The following PAN3 variants were observed in gnomAD, a reference collection of about 807,000 sequenced individuals.
PAN3 encodes the protein PAN2-PAN3 deadenylation complex subunit PAN3.
In PAN3, 19 loss-of-function variants were observed where a neutral mutation model predicts 96.2. The observed-to-expected ratio is 0.20, with a 90% CI of 0.14 to 0.29. PAN3 has a LOEUF of 0.29. PAN3 is among the 10% of genes least tolerant of loss of function. PAN3 has a pLI of 1.00. For synonymous variants in PAN3, 433 were observed against 406.6 expected (o/e 1.06, Z -0.78); for missense variants, 882 against 1,108.1 (o/e 0.80, Z 2.90).
chr13:28,270,519 C>T (rs372948017), intron 12 of PAN3, among the ~76,000 whole-genome samples, 182 bp from the exon 13 acceptor site: 4 of 152,278 alleles, frequency 2.6e-5, no homozygotes, highest in East Asian at 3.9e-4. Flanking sequence ...GGCATAATCT[C>T]GGACAGGAAT....
intron 1 of PAN3, among the ~76,000 whole-genome samples, chr13:28,172,270 A>G (rs1308791028): frequency 6.6e-6 from 1 of 152,032 alleles, no homozygotes; most frequent in Non-Finnish European, 1.5e-5. Flanking sequence ...CCTGGCTAAC[A>G]ATGGTGAAAC....
At chr13:28,249,266 A>T (rs1357101660) in intron 6 of PAN3, among the ~76,000 whole-genome samples, 1 of 152,024 alleles carries the variant, frequency 6.6e-6, no homozygotes. Flanking sequence ...TCTTTGTTGT[A>T]TTTTGTGCAT....
At chr13:28,142,530 T>TTTTTTTTTTTTTTTA (rs1869997874) in intron 1 of PAN3, among the ~76,000 whole-genome samples, 1 of 145,546 alleles carries the variant, frequency 6.9e-6, no homozygotes, top group African/African-American at 2.6e-5. Flanking sequence ...TTTTTTTTTT[T>TTTTTTTTTTTTTTTA]GAGACAGGGA....
intron 9 of PAN3, 106 bp from the exon 10 acceptor site, chr13:28,266,609 A>G: frequency 2.4e-6 from 2 of 835,230 alleles, no homozygotes; most frequent in Non-Finnish European, 3.5e-6. Flanking sequence ...ACAAGAGCAC[A>G]TTGTGATACA....
intron 6 of PAN3, among the ~76,000 whole-genome samples, chr13:28,233,440 TA>T (rs1882790268): frequency 6.6e-6 from 1 of 152,034 alleles, no homozygotes; most frequent in Non-Finnish European, 1.5e-5. Flanking sequence ...CTAACTTTTG[TA>T]TTTTTAGTAG....
At chr13:28,141,556 C>T (rs1869843487) in intron 1 of PAN3, among the ~76,000 whole-genome samples, 1 of 149,058 alleles carries the variant, frequency 6.7e-6, no homozygotes, top group African/African-American at 2.5e-5. Flanking sequence ...CAACCTCTGC[C>T]TCCCGGGTTC....
intron 5 of PAN3, among the ~76,000 whole-genome samples, chr13:28,204,417 A>G (rs944187922): frequency 6.6e-6 from 1 of 152,214 alleles, no homozygotes; most frequent in African/African-American, 2.4e-5. Context: ...TGAGGATTCA[A>G]ATTTCCAAGC....
chr13:28,185,307 A>G (rs1300703189), intron 4 of PAN3, among the ~76,000 whole-genome samples: 1 of 152,180 alleles, frequency 6.6e-6, no homozygotes, highest in Non-Finnish European at 1.5e-5. Context: ...GGTAGTTCTT[A>G]TAGAGAAAGA....
intron 5 of PAN3, among the ~76,000 whole-genome samples, chr13:28,217,370 C>T (rs1422779447): frequency 6.6e-6 from 1 of 151,846 alleles, no homozygotes; most frequent in Non-Finnish European, 1.5e-5. Flanking sequence ...TCACTTGAGG[C>T]CAGGAGTTTG....
intron 4 of PAN3, among the ~76,000 whole-genome samples, chr13:28,184,165 T>C (rs1009651496): frequency 2.0e-5 from 3 of 152,166 alleles, no homozygotes; most frequent in African/African-American, 4.8e-5. Flanking sequence ...TGAAAATCCA[T>C]TGGGGGTTTC....
chr13:28,236,466 C>A (rs1386245121), intron 6 of PAN3, among the ~76,000 whole-genome samples: 2 of 151,670 alleles, frequency 1.3e-5, no homozygotes, highest in Non-Finnish European at 2.9e-5. Flanking sequence ...GTTCAAAATG[C>A]CAGAAAATTT....
chr13:28,270,990 T>A, intron 13 of PAN3, 124 bp downstream of exon 13: 3 of 984,686 alleles, frequency 3.0e-6, no homozygotes, highest in South Asian at 2.0e-5. Flanking sequence ...CTTCTGTAAC[T>A]TTGAATTCAT....
rs762187636 is a variant in PAN3, at chr13:28,197,271, C to T, written c.777C>T (p.Cys259=). The stretch of plus-strand genomic sequence containing the variant: ...GAAAAGCAAAGAACCCTATTGGCTG[C>T]CTTGCTGACAGGTGTAAATCAGGAG... ...KARKAKNPIG[C]LADRCKSGVP... Residue 259 remains cysteine (C), a synonymous_variant, in exon 5 of 19, where the codon TGC becomes TGT. Coordinates refer to ENST00000380958, the MANE Select transcript of PAN3 (RefSeq NM_175854.8). 2.5e-6 allele frequency: 4 copies of T among 1,612,522 alleles called. No individual in the cohort carries two copies. In the African/African-American group the frequency reaches 4.0e-5, roughly 16 times the overall value.
At chr13:28,257,951 C>T (rs911501325) in intron 7 of PAN3, among the ~76,000 whole-genome samples, 2 of 151,586 alleles carry the variant, frequency 1.3e-5, no homozygotes, top group Non-Finnish European at 2.9e-5. Flanking sequence ...GCTGGGACTA[C>T]AGACGCACAC....
intron 6 of PAN3, among the ~76,000 whole-genome samples, chr13:28,255,888 TAAA>T (rs1485605103): frequency 1.3e-5 from 2 of 151,916 alleles, no homozygotes; most frequent in Non-Finnish European, 2.9e-5. Flanking sequence ...TGATTCTTAA[TAAA>T]AAAGGAATTA....
chr13:28,179,246 G>A (rs1403891677), intron 4 of PAN3, among the ~76,000 whole-genome samples: 1 of 152,048 alleles, frequency 6.6e-6, no homozygotes, highest in Non-Finnish European at 1.5e-5. Context: ...TAATAGAGTT[G>A]GACAGAAACA....
chr13:28,150,271 G>C (rs1413773623), intron 1 of PAN3, among the ~76,000 whole-genome samples: 1 of 152,090 alleles, frequency 6.6e-6, no homozygotes, highest in Non-Finnish European at 1.5e-5. Flanking sequence ...TGGAAAATTA[G>C]TAAGGCAGCA....
intron 5 of PAN3, chr13:28,215,531 C>A: frequency 1.5e-6 from 1 of 679,190 alleles, no homozygotes; most frequent in Non-Finnish European, 2.7e-6. Flanking sequence ...GTTGGCCTCA[C>A]TGCTCAGTGA....
intron 5 of PAN3, among the ~76,000 whole-genome samples, chr13:28,204,860 A>G (rs1013371877): frequency 2.6e-5 from 4 of 152,182 alleles, no homozygotes; most frequent in Admixed American, 6.5e-5. Flanking sequence ...TAATATTACT[A>G]TTGTTTTAGT....
Sources: allele counts gnomAD v4.1 joint callset (sites outside exome capture counted in the v4.1 genomes callset), GRCh38; gene constraint gnomAD v4.1.1; transcripts MANE v1.5; gene names NCBI Gene and HGNC (gene_info 2026-07-23, HGNC 2026-07-21).